The following SLC44A3 variants were observed in gnomAD, a reference collection of about 807,000 sequenced individuals.
SLC44A3 encodes choline transporter-like protein 3.
SLC44A3 carries 74 observed loss-of-function variants against 75.4 expected under a neutral mutation model. The ratio of observed to expected loss-of-function variants is 0.98; its 90% CI spans 0.81 to 1.19. The LOEUF (loss-of-function observed/expected upper bound fraction) is 1.19. Ranked by LOEUF, SLC44A3 falls within the 50% of genes most tolerant of loss-of-function variation. The probability of loss-of-function intolerance (pLI) is 0.00; values close to 1 mark genes in which losing one functional copy is unlikely to be tolerated. For missense variants in SLC44A3, 700 were observed against 778.6 expected (o/e 0.90, Z 1.20); for synonymous variants, 310 against 296.9 (o/e 1.04, Z -0.45).
intron 8 of SLC44A3, 143 bp downstream of exon 8, chr1:94,842,267 A>G: frequency 8.4e-7 from 1 of 1,186,818 alleles, no homozygotes; most frequent in Non-Finnish European, 1.2e-6. Flanking sequence ...ATACCTGTAT[A>G]GGGATAATTC....
At position 94,894,916 on chromosome 1, in the gene SLC44A3, GAGAT is replaced by G. The variant is rs757321552; in HGVS notation, c.1962_*3del. 1.2e-5 allele frequency: 19 copies of G among 1,608,534 alleles called. No homozygotes were observed. The highest frequency in any genetic ancestry group is 1.5e-5 in the Non-Finnish European group (18 of 1,176,670). On this transcript the variant is annotated frameshift_variant and stop_lost, in exon 15 of 15. Transcript: ENST00000271227. LOFTEE classifies it high-confidence loss of function. ...AGGGAACAGAACTCCAGGCCATTGT[GAGAT>G]AGATACCCATTTAGGTATCTGTACC... is the stretch of plus-strand genomic sequence containing the variant.
chr1:94,878,255 ACAAAC>A (rs1394696245), intron 12 of SLC44A3, among the ~76,000 whole-genome samples: 4 of 139,854 alleles, frequency 2.9e-5, no homozygotes, highest in Admixed American at 7.4e-5. Context: ...AAACAAACAA[ACAAAC>A]AAAAAAAAAA....
At chr1:94,832,746 G>A (rs1387696650) in intron 5 of SLC44A3, among the ~76,000 whole-genome samples, 4 of 152,216 alleles carry the variant, frequency 2.6e-5, no homozygotes, top group Non-Finnish European at 5.9e-5. Flanking sequence ...GGCCAGGGCT[G>A]TAGGATTGCT....
chr1:94,894,484 C>G (rs1203475426), intron 14 of SLC44A3, among the ~76,000 whole-genome samples: 3 of 152,200 alleles, frequency 2.0e-5, no homozygotes, highest in African/African-American at 7.2e-5. Context: ...TTGTCACAAA[C>G]CACTGTCCTG....
chr1:94,894,809 G>A lies in SLC44A3; in HGVS notation c.1858-9G>A, dbSNP rs1413705369. 7 of 1,604,298 alleles carry A rather than the reference G, an allele frequency of 4.4e-6. No individual in the cohort carries two copies. Among genetic ancestry groups the A allele is most frequent in the Non-Finnish European group, 6.0e-6 (7 of 1,174,858 alleles). On this transcript the variant is annotated splice_polypyrimidine_tract_variant and intron_variant, in intron 14 of 14. Coordinates refer to ENST00000271227, the MANE Select transcript of SLC44A3 (RefSeq NM_001114106.3). ...TAATACTATTCTAACTTGTTCTTTT[G>A]TTTTTCAGAGTTTCGTAAAAAGGAG...
intron 12 of SLC44A3, among the ~76,000 whole-genome samples, chr1:94,885,432 G>A (rs1348305738): frequency 6.6e-6 from 1 of 152,066 alleles, no homozygotes; most frequent in Non-Finnish European, 1.5e-5. Flanking sequence ...GAAGTGACGT[G>A]ATTTGGTGGA....
intron 3 of SLC44A3, among the ~76,000 whole-genome samples, chr1:94,827,222 CT>C (rs1033539417): frequency 6.6e-6 from 1 of 152,232 alleles, no homozygotes; most frequent in African/African-American, 2.4e-5. Context: ...CCAATTGCTT[CT>C]TTTCCTCAGA....
In SLC44A3 at chr1:94,864,523, AT is replaced by A. The variant is rs771515924; in HGVS notation, c.1239-214del. Among the ~76,000 whole-genome samples, 16 of 152,186 alleles carry A rather than the reference AT, an allele frequency of 1.1e-4. 1 individual carries two copies. The highest frequency in any genetic ancestry group is 7.9e-4 in the Admixed American group (12 of 15,280). On this transcript the variant is annotated intron_variant, in intron 10 of 14. Coordinates refer to ENST00000271227, the MANE Select transcript of SLC44A3 (RefSeq NM_001114106.3). ...TTTTTTAACTCATCAATTTTTTTAA[AT>A]TTTTTCTGTTTTATTTGTAGCATTA...
At chr1:94,825,608 G>A (rs913987059) in intron 3 of SLC44A3, among the ~76,000 whole-genome samples, 10 of 152,108 alleles carry the variant, frequency 6.6e-5, no homozygotes, top group African/African-American at 1.9e-4. Flanking sequence ...GATTACAGCC[G>A]TGAGCCACCA....
intron 2 of SLC44A3, among the ~76,000 whole-genome samples, chr1:94,821,707 C>T (rs919071317): frequency 1.3e-5 from 2 of 152,180 alleles, no homozygotes; most frequent in Non-Finnish European, 2.9e-5. Flanking sequence ...TCTCACCCGA[C>T]ATTTTCAAAG....
At chr1:94,888,238 A>T (rs1451438124) in intron 12 of SLC44A3, among the ~76,000 whole-genome samples, 2 of 152,184 alleles carry the variant, frequency 1.3e-5, no homozygotes, top group Non-Finnish European at 2.9e-5. Context: ...TTAAATAGCA[A>T]TTTTTCCTAA....
chr1:94,836,469 GC>G (rs1170691336), intron 5 of SLC44A3, among the ~76,000 whole-genome samples: 1 of 152,220 alleles, frequency 6.6e-6, no homozygotes. Flanking sequence ...AGCCTCATAT[GC>G]CTTCCTAAAC....
intron 5 of SLC44A3, among the ~76,000 whole-genome samples, chr1:94,835,375 A>T (rs1336723030): frequency 6.6e-6 from 1 of 152,218 alleles, no homozygotes; most frequent in African/African-American, 2.4e-5. Context: ...TAGAAAAAGG[A>T]TGTTACGGTG....
intron 10 of SLC44A3, among the ~76,000 whole-genome samples, chr1:94,861,836 G>T (rs780389016): frequency 3.2e-4 from 48 of 152,322 alleles, no homozygotes; most frequent in Non-Finnish European, 2.6e-4. Flanking sequence ...CTTGAAGAAG[G>T]ATCAACTGAG....
At chr1:94,874,920 G>C (rs1668120197) in intron 12 of SLC44A3, among the ~76,000 whole-genome samples, 1 of 152,204 alleles carries the variant, frequency 6.6e-6, no homozygotes, top group Admixed American at 6.5e-5. Context: ...TGAGATGTAA[G>C]AGTCAAACAG....
chr1:94,841,208 A>G (rs1165420954), intron 7 of SLC44A3, among the ~76,000 whole-genome samples: 1 of 152,258 alleles, frequency 6.6e-6, no homozygotes, highest in Non-Finnish European at 1.5e-5. Flanking sequence ...ATCTAAGCAC[A>G]GAAAAGTACA....
At chr1:94,826,329 G>A (rs1661338758) in intron 3 of SLC44A3, among the ~76,000 whole-genome samples, 1 of 152,146 alleles carries the variant, frequency 6.6e-6, no homozygotes, top group African/African-American at 2.4e-5. Flanking sequence ...CCAACAACGT[G>A]AATGTACTAA....
At chr1:94,884,815 GCT>G (rs1468278791) in intron 12 of SLC44A3, among the ~76,000 whole-genome samples, 1 of 152,116 alleles carries the variant, frequency 6.6e-6, no homozygotes, top group Non-Finnish European at 1.5e-5. Flanking sequence ...GTAAAAAAAC[GCT>G]CTTTCTATGT....
intron 14 of SLC44A3, among the ~76,000 whole-genome samples, chr1:94,893,098 C>A (rs1186420179): frequency 6.6e-6 from 1 of 152,156 alleles, no homozygotes; most frequent in Non-Finnish European, 1.5e-5. Flanking sequence ...TTTGCAACAG[C>A]CTTTGCAACA....
Sources: gnomAD v4.1 joint callset for allele counts (sites outside exome capture counted in the v4.1 genomes callset) on GRCh38, gnomAD v4.1.1 for gene constraint, MANE v1.5 for transcripts, NCBI Gene and HGNC (gene_info 2026-07-23, HGNC 2026-07-21) for gene names.